The following FAXC variants were observed in gnomAD, a reference collection of about 807,000 sequenced individuals.
FAXC encodes failed axon connections homolog, metaxin like GST domain containing, also known as failed axon connections homolog.
FAXC carries 10 observed loss-of-function variants against 41.9 expected under a neutral mutation model. The ratio of observed to expected loss-of-function variants is 0.24; its 90% CI spans 0.15 to 0.41. The LOEUF (loss-of-function observed/expected upper bound fraction) is 0.41. FAXC is among the 10% of genes least tolerant of loss of function. The probability of loss-of-function intolerance (pLI) is 1.00; values close to 1 mark genes in which losing one functional copy is unlikely to be tolerated. For missense variants in FAXC, 399 were observed against 510.9 expected, an observed-to-expected ratio of 0.78 and a Z score of 2.11; for synonymous variants, 183 against 183.8, an observed-to-expected ratio of 1.00 and a Z score of 0.03.
intron 1 of FAXC, among the ~76,000 whole-genome samples, chr6:99,344,549 A>G (rs765294968): frequency 5.9e-5 from 9 of 152,132 alleles, no homozygotes; most frequent in Admixed American, 2.6e-4. Context: ...GGCCCACTCA[A>G]CTTCACAGTA....
chr6:99,290,251 A>C (rs578140914), intron 5 of FAXC, among the ~76,000 whole-genome samples: 1 of 151,788 alleles, frequency 6.6e-6, no homozygotes, highest in African/African-American at 2.4e-5. Context: ...CCCACCCCAC[A>C]CATATATGTT....
In FAXC at chr6:99,275,926, C is replaced by A. The variant is rs1404768605; in HGVS notation, c.*5238G>T. The A allele has an allele frequency of 6.6e-6, 1 of 152,114 alleles. No individual in the cohort carries two copies. The highest frequency in any genetic ancestry group is 2.4e-5 in the African/African-American group (1 of 41,410). 9.4% of individuals were successfully genotyped at this position (152,114 alleles called of 1,614,324 possible). A position where few individuals can be genotyped will look rare whatever the true frequency, so the allele number is the denominator to read the frequency against. ...TGAACTTCCCAAGTTATATCCAGAC[C>A]ACTGGAAGCAACTGAATAAAGGTCA... On this transcript the variant is annotated 3_prime_UTR_variant, in exon 6 of 6. Transcript: ENST00000389677.
chr6:99,288,340 G>C (rs1771097955), intron 5 of FAXC, among the ~76,000 whole-genome samples: 2 of 152,154 alleles, frequency 1.3e-5, no homozygotes, highest in Admixed American at 6.6e-5. Context: ...CTGTACAAGT[G>C]AGTGTGTGGG....
At position 99,281,117 on chromosome 6, in the gene FAXC, C is replaced by T. The variant is rs867218599; in HGVS notation, c.*47G>A. On this transcript the variant is annotated 3_prime_UTR_variant, in exon 6 of 6. Transcript: ENST00000389677. ...ATTGCTACCTGGGAAAATGGACCGA[C>T]CCAGGGAGTGGCAGGTCCCAAGGAA... is the stretch of plus-strand genomic sequence containing the variant. 4.4e-6 allele frequency: 4 copies of T among 908,264 alleles called. No homozygotes were observed. In the Middle Eastern group the frequency reaches 6.5e-4, roughly 147 times the overall value. 56.3% of individuals were successfully genotyped at this position (908,264 alleles called of 1,614,324 possible). A position where few individuals can be genotyped will look rare whatever the true frequency, so the allele number is the denominator to read the frequency against.
chr6:99,342,085 C>T (rs1287241277), intron 2 of FAXC, among the ~76,000 whole-genome samples: 1 of 152,206 alleles, frequency 6.6e-6, no homozygotes, highest in Non-Finnish European at 1.5e-5. Context: ...GTACACTCCT[C>T]TTCCTTATTT....
At chr6:99,316,454 C>T (rs1043954986) in intron 4 of FAXC, among the ~76,000 whole-genome samples, 2 of 152,214 alleles carry the variant, frequency 1.3e-5, no homozygotes, top group Admixed American at 6.5e-5. Context: ...AGCCAGTTCT[C>T]TCTTTCTCAG....
At chr6:99,330,714 T>C (rs1772999467) in intron 3 of FAXC, among the ~76,000 whole-genome samples, 1 of 152,258 alleles carries the variant, frequency 6.6e-6, no homozygotes, top group South Asian at 2.1e-4. Flanking sequence ...CTTCTGGCTA[T>C]GTGAGTATAG....
rs141285360 is a variant in FAXC at position 99,281,162 on chromosome 6, C to A, written c.*2G>T. 3.8e-6 allele frequency: 5 copies of A among 1,310,032 alleles called. No individual in the cohort carries two copies. The East Asian group carries it at 9.2e-5, about 24-fold the overall frequency. The allele number at this position is 1,310,032 out of a possible 1,614,324, so 81.2% of individuals were successfully genotyped here. A position where few individuals can be genotyped will look rare whatever the true frequency, so the allele number is the denominator to read the frequency against. On this transcript the variant is annotated 3_prime_UTR_variant, in exon 6 of 6. Coordinates refer to ENST00000389677, the MANE Select transcript of FAXC (RefSeq NM_032511.4). ...AAGGAAGAGGGTCAGTGAGGCTGGA[C>A]GTCACTTGCACTGTTCGTGGTCTGT...
Position 99,349,271 on chromosome 6 carries a change from C to A in FAXC, c.102G>T (p.Glu34Asp). ...SFFGWWAGSE[E>D]PFSFYGDIIA... ...TGATGTCCCCATAAAAGGAGAAGGG[C>A]TCCTCGGACCCGGCCCACCAGCCGA... The change falls in exon 1 of 6, where the codon GAG (glutamate) becomes GAT (aspartate). Residue 34 changes from glutamate (E) to aspartate (D), a missense_variant. Transcript: ENST00000389677. The A allele has an allele frequency of 6.2e-7, 1 of 1,613,656 alleles. No individual in the cohort carries two copies. The highest frequency in any genetic ancestry group is 8.5e-7 in the Non-Finnish European group (1 of 1,180,020).
At position 99,278,331 on chromosome 6, in the gene FAXC, A is replaced by T. The variant is rs1199367583; in HGVS notation, c.*2833T>A. 6.6e-6 allele frequency: 1 copy of T among 152,158 alleles called. No individual in the cohort carries two copies. Among genetic ancestry groups the T allele is most frequent in the Non-Finnish European group, 1.5e-5 (1 of 68,018 alleles). 9.4% of individuals were successfully genotyped at this position (152,158 alleles called of 1,614,324 possible). On this transcript the variant is annotated 3_prime_UTR_variant, in exon 6 of 6. Transcript: ENST00000389677. ...AAAGAGAGGTGGATGCAAGAGCTTG[A>T]TTTACTTTTACAATGACAGGAAAAA...
chr6:99,342,960 T>C lies in FAXC; in HGVS notation c.340A>G (p.Ser114Gly). The change falls in exon 2 of 6, where the codon AGT (serine) becomes GGT (glycine). Residue 114 changes from serine (S) to glycine (G), a missense_variant. Physicochemically the swap from Ser to Gly is moderately conservative, Grantham distance 56. Coordinates refer to ENST00000389677, the MANE Select transcript of FAXC (RefSeq NM_032511.4). Reference protein sequence around the residue: ...QFARPNNGVPSLSPFCLKMET... With the variant: ...QFARPNNGVPGLSPFCLKMET... The stretch of plus-strand genomic sequence containing the variant: ...ATCTTTAAACAGAAAGGAGATAAAC[T>C]TGGAACACCATTGTTAGGTCTTGCA... The C allele has an allele frequency of 6.2e-7, 1 of 1,612,858 alleles. No homozygotes were observed. Among genetic ancestry groups the C allele is most frequent in the South Asian group, 1.1e-5 (1 of 90,676 alleles).
chr6:99,297,869 C>T (rs1252596670), intron 4 of FAXC, among the ~76,000 whole-genome samples: 1 of 152,208 alleles, frequency 6.6e-6, no homozygotes, highest in Non-Finnish European at 1.5e-5. Context: ...TCTACTGGAA[C>T]CTCTCATTGT....
At chr6:99,291,404 T>C (rs1396609861) in intron 5 of FAXC, among the ~76,000 whole-genome samples, 1 of 152,098 alleles carries the variant, frequency 6.6e-6, no homozygotes, top group African/African-American at 2.4e-5. Flanking sequence ...CAGCAACAAA[T>C]CTTAAGTCCC....
intron 3 of FAXC, among the ~76,000 whole-genome samples, chr6:99,329,828 T>C (rs1772967220): frequency 6.6e-6 from 1 of 151,070 alleles, no homozygotes; most frequent in African/African-American, 2.4e-5. Flanking sequence ...GAAGCAAGTT[T>C]GAATTCACTG....
intron 5 of FAXC, among the ~76,000 whole-genome samples, chr6:99,290,270 A>G (rs1251655026): frequency 6.6e-6 from 1 of 152,022 alleles, no homozygotes; most frequent in Non-Finnish European, 1.5e-5. Context: ...TTCATCCCCT[A>G]GCACTGGTTC....
chr6:99,338,751 CT>C lies in FAXC; in HGVS notation c.402+4146del, dbSNP rs578230569. Among the ~76,000 whole-genome samples, 18 of 152,342 alleles carry C rather than the reference CT, an allele frequency of 1.2e-4. No homozygotes were observed. The East Asian group carries it at 3.3e-3, about 28-fold the overall frequency. On this transcript the variant is annotated intron_variant, in intron 2 of 5. Transcript: ENST00000389677. Reference sequence around the variant, plus strand: ...TGCCAAAACCAAGCTGAACAACGATCTTTCAAATATGAGCCAATGCATTTAG... The same window carrying C: ...TGCCAAAACCAAGCTGAACAACGATCTTCAAATATGAGCCAATGCATTTAG...
Position 99,311,872 on chromosome 6 carries a change from C to T in FAXC, c.823+11572G>A, listed in dbSNP as rs189720273. On this transcript the variant is annotated intron_variant, in intron 4 of 5. Transcript: ENST00000389677. Reference sequence around the variant, plus strand: ...GTCTCTTCTCCCCTCCCTCTTATGCCTGTCATCTACAGTGACAACTAAGTC... The same window carrying T: ...GTCTCTTCTCCCCTCCCTCTTATGCTTGTCATCTACAGTGACAACTAAGTC... Among the ~76,000 whole-genome samples, 429 of 152,310 alleles carry T rather than the reference C, an allele frequency of 2.8e-3. 3 individuals carry two copies. The highest frequency in any genetic ancestry group is 4.1e-3 in the Non-Finnish European group (277 of 68,024).
Position 99,333,443 on chromosome 6 carries a change from C to A in FAXC, c.507G>T (p.Glu169Asp). The A allele has an allele frequency of 6.2e-7, 1 of 1,614,176 alleles. No homozygotes were observed. Among genetic ancestry groups the A allele is most frequent in the East Asian group, 2.2e-5 (1 of 44,884 alleles). Residue 169 changes from glutamate (E) to aspartate (D), a missense_variant, in exon 3 of 6, where the codon GAG (glutamate) becomes GAT (aspartate). Physicochemically the swap from Glu to Asp is conservative, Grantham distance 45. This residue lies in a region of FAXC where 239 missense variants were observed against 352.7 expected (regional missense o/e 0.68). Coordinates refer to ENST00000389677, the MANE Select transcript of FAXC (RefSeq NM_032511.4). The stretch of plus-strand genomic sequence containing the variant: ...TTTTGTTTAAATTCACTCCAAGCTT[C>A]TCTTCCAGAAAGTCAATTATGAATT... ...GTEFIIDFLE[E>D]KLGVNLNKNL...
intron 3 of FAXC, among the ~76,000 whole-genome samples, chr6:99,324,545 G>A (rs76370341): frequency 0.034 from 5,109 of 152,196 alleles, 107 homozygotes; most frequent in Non-Finnish European, 0.047. Flanking sequence ...CCTTTTTCCC[G>A]TCTAGGTGAT....
Sources: gnomAD v4.1 joint callset for allele counts (sites outside exome capture counted in the v4.1 genomes callset) on GRCh38, gnomAD v4.1.1 for gene constraint, gnomAD v4.1.1 regional missense constraint, MANE v1.5 for transcripts, NCBI Gene and HGNC (gene_info 2026-07-23, HGNC 2026-07-21) for gene names.